The following PDSS2 variants were observed in gnomAD, a reference collection of about 807,000 sequenced individuals.
PDSS2 encodes all trans-polyprenyl-diphosphate synthase PDSS2.
A neutral mutation model predicts 44.5 loss-of-function variants in PDSS2; 31 were observed. The observed-to-expected ratio is 0.70, with a 90% CI of 0.52 to 0.94. PDSS2 has a LOEUF of 0.94. Among genes scored for constraint, PDSS2 ranks in the 40% least tolerant of loss-of-function variants. The probability of loss-of-function intolerance (pLI) is 0.00; values close to 1 mark genes in which losing one functional copy is unlikely to be tolerated. For missense variants in PDSS2, 452 were observed against 482.2 expected (o/e 0.94, Z 0.59); for synonymous variants, 157 against 180.3 (o/e 0.87, Z 1.03).
intron 1 of PDSS2, among the ~76,000 whole-genome samples, chr6:107,353,803 C>T (rs1259510595): frequency 6.6e-6 from 1 of 151,890 alleles, no homozygotes; most frequent in Non-Finnish European, 1.5e-5. Flanking sequence ...CAGAGTAATG[C>T]CTTTTAGAAA....
At chr6:107,421,090 A>C (rs1780810222) in intron 1 of PDSS2, among the ~76,000 whole-genome samples, 1 of 152,226 alleles carries the variant, frequency 6.6e-6, no homozygotes, top group African/African-American at 2.4e-5. Context: ...AGCACATGAA[A>C]AAACGTTCGA....
intron 1 of PDSS2, among the ~76,000 whole-genome samples, chr6:107,345,559 C>G (rs1281314892): frequency 6.6e-6 from 1 of 151,204 alleles, no homozygotes; most frequent in Non-Finnish European, 1.5e-5. Flanking sequence ...AAAAATACAA[C>G]AGCAGATGGA....
chr6:107,171,922 A>G (rs542329778), intron 7 of PDSS2, among the ~76,000 whole-genome samples: 31 of 152,314 alleles, frequency 2.0e-4, no homozygotes, highest in African/African-American at 7.0e-4. Context: ...TCAAGCCCTT[A>G]TGGCTTGAAG....
chr6:107,246,022 T>C (rs1774602050), intron 3 of PDSS2, among the ~76,000 whole-genome samples: 1 of 152,172 alleles, frequency 6.6e-6, no homozygotes, highest in South Asian at 2.1e-4. Context: ...TTTTCATACT[T>C]ATTACAGAAA....
At position 107,459,499 on chromosome 6, in the gene PDSS2, G is replaced by A. The variant is rs1359532971; in HGVS notation, c.-214C>T. 1.4e-5 allele frequency: 8 copies of A among 584,622 alleles called. No homozygotes were observed. The highest frequency in any genetic ancestry group is 6.2e-5 in the Admixed American group (2 of 32,314). 36.2% of individuals were successfully genotyped at this position (584,622 alleles called of 1,614,324 possible). A position where few individuals can be genotyped will look rare whatever the true frequency, so the allele number is the denominator to read the frequency against. ...CAAACAACAGTCCCAGCTCAGCACT[G>A]CCCCCGGCCACCCGGGGTAGAAACC... On this transcript the variant is annotated 5_prime_UTR_variant, in exon 1 of 8. Transcript: ENST00000369037. The surrounding 1 kb of genome is among the most constrained non-coding windows in gnomAD (Gnocchi z 4.3).
intron 1 of PDSS2, among the ~76,000 whole-genome samples, chr6:107,434,115 T>A (rs956276144): frequency 6.6e-6 from 1 of 152,084 alleles, no homozygotes; most frequent in African/African-American, 2.4e-5. Context: ...TGAATGCTAG[T>A]GAGGGTATAG....
chr6:107,374,075 T>C (rs1779206983), intron 1 of PDSS2, among the ~76,000 whole-genome samples: 1 of 151,878 alleles, frequency 6.6e-6, no homozygotes, highest in Non-Finnish European at 1.5e-5. Context: ...GTCAATATGG[T>C]GAAACCCCAT....
At chr6:107,273,989 T>C (rs759323651) in intron 3 of PDSS2, 40 bp downstream of exon 3, 1 of 1,551,036 alleles carries the variant, frequency 6.4e-7, no homozygotes, top group Non-Finnish European at 8.9e-7. Context: ...AATTGCTACC[T>C]GAAGCCATTC....
intron 1 of PDSS2, among the ~76,000 whole-genome samples, chr6:107,440,311 T>C (rs1583088718): frequency 1.3e-5 from 2 of 152,340 alleles, no homozygotes; most frequent in East Asian, 1.9e-4. Flanking sequence ...TTCCACTTAG[T>C]GCCACTGATG....
At chr6:107,446,556 A>C (rs1781690038) in intron 1 of PDSS2, among the ~76,000 whole-genome samples, 2 of 152,302 alleles carry the variant, frequency 1.3e-5, no homozygotes, top group South Asian at 4.1e-4. Flanking sequence ...GTCTGCACTC[A>C]CATTGCTATA....
At chr6:107,163,722 C>T (rs1771232706) in intron 7 of PDSS2, among the ~76,000 whole-genome samples, 1 of 152,030 alleles carries the variant, frequency 6.6e-6, no homozygotes, top group Non-Finnish European at 1.5e-5. Context: ...CCTGCCTCAG[C>T]CTCCTGGGTA....
chr6:107,340,320 C>T (rs1159818569), intron 1 of PDSS2, among the ~76,000 whole-genome samples: 1 of 152,160 alleles, frequency 6.6e-6, no homozygotes, highest in Admixed American at 6.5e-5. Context: ...TAAACAATTT[C>T]ATGGGAATAA....
intron 6 of PDSS2, among the ~76,000 whole-genome samples, chr6:107,200,794 G>A (rs1424224573): frequency 1.3e-5 from 2 of 151,948 alleles, no homozygotes; most frequent in African/African-American, 4.8e-5. Flanking sequence ...AGCCTCCCTA[G>A]TAGCTGGGAT....
intron 2 of PDSS2, among the ~76,000 whole-genome samples, chr6:107,322,944 A>C (rs768870429): frequency 1.3e-5 from 2 of 152,204 alleles, no homozygotes; most frequent in African/African-American, 4.8e-5. Context: ...AGAGATAACC[A>C]ATCAGAGAAT....
chr6:107,320,683 A>G (rs1415939595), intron 2 of PDSS2, among the ~76,000 whole-genome samples: 1 of 152,194 alleles, frequency 6.6e-6, no homozygotes, highest in Non-Finnish European at 1.5e-5. Context: ...AAACGTTTTT[A>G]TTTTTAAATT....
intron 1 of PDSS2, among the ~76,000 whole-genome samples, chr6:107,383,951 C>T (rs1463083770): frequency 1.3e-5 from 2 of 152,190 alleles, no homozygotes; most frequent in Non-Finnish European, 2.9e-5. Context: ...TGTATTCACA[C>T]AAGAACTTGT....
At chr6:107,234,368 G>A (rs1774157410) in intron 4 of PDSS2, among the ~76,000 whole-genome samples, 1 of 151,964 alleles carries the variant, frequency 6.6e-6, no homozygotes, top group Non-Finnish European at 1.5e-5. Flanking sequence ...ACTATGCCCG[G>A]CTAATTTTGT....
chr6:107,268,891 A>T (rs1460599544), intron 3 of PDSS2, among the ~76,000 whole-genome samples: 1 of 152,164 alleles, frequency 6.6e-6, no homozygotes, highest in Non-Finnish European at 1.5e-5. Flanking sequence ...AAATATTTTT[A>T]GAGGCACTCT....
At chr6:107,266,302 C>T (rs1460460382) in intron 3 of PDSS2, among the ~76,000 whole-genome samples, 2 of 151,966 alleles carry the variant, frequency 1.3e-5, no homozygotes, top group Admixed American at 1.3e-4. Context: ...AAGAGAGCTA[C>T]TAAAAGCCTT....
Sources: allele counts gnomAD v4.1 joint callset (sites outside exome capture counted in the v4.1 genomes callset), GRCh38; gene constraint gnomAD v4.1.1; non-coding constraint Gnocchi (gnomAD v3.1); transcripts MANE v1.5; gene names NCBI Gene and HGNC (gene_info 2026-07-23, HGNC 2026-07-21).